Variants in PTPN1 observed in about 807,000 individuals in gnomAD.
The protein encoded by PTPN1 is protein tyrosine phosphatase non-receptor type 1.
In PTPN1, 12 loss-of-function variants were observed where a neutral mutation model predicts 59.9. The ratio of observed to expected loss-of-function variants is 0.20; its 90% CI spans 0.13 to 0.32. PTPN1 has a LOEUF of 0.32. PTPN1 is among the 10% of genes least tolerant of loss of function. The pLI is 1.00. For missense variants in PTPN1, 356 were observed against 549.2 expected, an observed-to-expected ratio of 0.65 and a Z score of 3.52; for synonymous variants, 178 against 203.6, an observed-to-expected ratio of 0.87 and a Z score of 1.07.
At chr20:50,579,014 C>G (rs977199478) in intron 6 of PTPN1, among the ~76,000 whole-genome samples, 154 bp from the exon 7 acceptor site, 6 of 152,180 alleles carry the variant, frequency 3.9e-5, no homozygotes, top group African/African-American at 9.7e-5. Context: ...GGGACCTGTC[C>G]CCCTGACCCA....
chr20:50,570,849 C>T (rs1004471760), intron 4 of PTPN1: 2 of 152,270 alleles, frequency 1.3e-5, no homozygotes, highest in Non-Finnish European at 2.9e-5. Context: ...TCTGTCTAGA[C>T]TCCAGACTTT....
intron 8 of PTPN1, 116 bp downstream of exon 8, chr20:50,580,042 C>T (rs774200817): frequency 3.7e-5 from 36 of 965,924 alleles, no homozygotes; most frequent in Non-Finnish European, 4.4e-5. Flanking sequence ...GCAGCGCTTC[C>T]GCATCCTTGG....
Position 50,584,229 on chromosome 20 carries a change from G to A in PTPN1, c.*1514G>A, listed in dbSNP as rs2082885482. On this transcript the variant is annotated 3_prime_UTR_variant, in exon 10 of 10. Transcript: ENST00000371621. ...GAAGCCAGTACAGAGAAATTCTGTG[G>A]TGGGAACATTCGAGGTGTCACCCTG... is the stretch of plus-strand genomic sequence containing the variant. 1 of 152,552 alleles carries A rather than the reference G, an allele frequency of 6.6e-6. No individual in the cohort carries two copies. The highest frequency in any genetic ancestry group is 1.5e-5 in the Non-Finnish European group (1 of 68,062). 9.4% of individuals were successfully genotyped at this position (152,552 alleles called of 1,614,324 possible).
chr20:50,579,021 C>G (rs1020632563), intron 6 of PTPN1, 147 bp from the exon 7 acceptor site: 5 of 912,566 alleles, frequency 5.5e-6, no homozygotes, highest in South Asian at 3.1e-5. Context: ...GTCCCCCTGA[C>G]CCAGACACCT....
Position 50,582,789 on chromosome 20 carries a change from T to C in PTPN1, c.*74T>C. 1 of 1,589,728 alleles carries C rather than the reference T, an allele frequency of 6.3e-7. No individual in the cohort carries two copies. Among genetic ancestry groups the C allele is most frequent in the Non-Finnish European group, 8.6e-7 (1 of 1,162,710 alleles). On this transcript the variant is annotated 3_prime_UTR_variant, in exon 10 of 10. Transcript: ENST00000371621. This position sits in a 1 kb window ranked among gnomAD's most constrained non-coding sequence, Gnocchi z 4.2. The stretch of plus-strand genomic sequence containing the variant: ...AGAGCCCACGCCCGACTAGCAGGCA[T>C]GCCGCGGTAGGTAAGGGCCGCCGGA...
chr20:50,520,931 A>T (rs2082548506), intron 1 of PTPN1, among the ~76,000 whole-genome samples: 1 of 152,206 alleles, frequency 6.6e-6, no homozygotes, highest in Admixed American at 6.5e-5. Flanking sequence ...TTCTACAAAG[A>T]CATGGTCACA....
intron 1 of PTPN1, among the ~76,000 whole-genome samples, chr20:50,547,488 C>T (rs540315269): frequency 2.6e-5 from 4 of 152,110 alleles, no homozygotes; most frequent in African/African-American, 9.6e-5. Context: ...CTCAGCCTCC[C>T]GAGTAGCTGG....
At chr20:50,545,122 TA>T (rs2082669167) in intron 1 of PTPN1, among the ~76,000 whole-genome samples, 1 of 152,226 alleles carries the variant, frequency 6.6e-6, no homozygotes, top group Admixed American at 6.5e-5. Context: ...AATGTCTTTT[TA>T]TTTTTATTTT....
Position 50,568,939 on chromosome 20 carries a change from A to G in PTPN1, c.354+461A>G, listed in dbSNP as rs970013359. Among the ~76,000 whole-genome samples, 1 of 151,634 alleles carries G rather than the reference A, an allele frequency of 6.6e-6. No homozygotes were observed. The highest frequency in any genetic ancestry group is 1.5e-5 in the Non-Finnish European group (1 of 67,904). On this transcript the variant is annotated intron_variant, in intron 4 of 9. Coordinates refer to ENST00000371621, the MANE Select transcript of PTPN1 (RefSeq NM_002827.4). This position sits in a 1 kb window ranked among gnomAD's most constrained non-coding sequence, Gnocchi z 5.6. ...AGATTTGCCTCCATTCAGTACCTAGACTCTTGCCCTGCCACACCTCTTCGG... is the reference window on the plus strand; with the variant it reads ...AGATTTGCCTCCATTCAGTACCTAGGCTCTTGCCCTGCCACACCTCTTCGG...
Position 50,558,655 on chromosome 20 carries a change from C to G in PTPN1, c.64-2708C>G, listed in dbSNP as rs920056487. On this transcript the variant is annotated intron_variant, in intron 1 of 9. Coordinates refer to ENST00000371621, the MANE Select transcript of PTPN1 (RefSeq NM_002827.4). ...TCATCTTGAGACTTTCTTTGCTTTT[C>G]TTCTCTATTGGATATTCAGTTTCCT... Among the ~76,000 whole-genome samples the G allele has an allele frequency of 2.0e-5, 3 of 152,184 alleles. No homozygotes were observed. The East Asian group carries it at 5.8e-4, about 29-fold the overall frequency.
chr20:50,523,519 T>G (rs150229728), intron 1 of PTPN1, among the ~76,000 whole-genome samples: 290 of 152,346 alleles, frequency 1.9e-3, no homozygotes, highest in African/African-American at 6.7e-3. Context: ...TTTCATTTGC[T>G]TTTCTCGTCT....
chr20:50,524,371 A>C (rs1350618545), intron 1 of PTPN1, among the ~76,000 whole-genome samples: 3 of 152,000 alleles, frequency 2.0e-5, no homozygotes, highest in African/African-American at 4.8e-5. Context: ...GATTTGTACA[A>C]AAAAAATTAT....
intron 1 of PTPN1, among the ~76,000 whole-genome samples, chr20:50,513,446 A>G (rs1158025378): frequency 1.3e-5 from 2 of 152,166 alleles, no homozygotes; most frequent in African/African-American, 2.4e-5. Flanking sequence ...GCTCCCCTCC[A>G]TCTGTAGTTT....
At chr20:50,552,806 A>G (rs2082708631) in intron 1 of PTPN1, among the ~76,000 whole-genome samples, 1 of 151,538 alleles carries the variant, frequency 6.6e-6, no homozygotes, top group Non-Finnish European at 1.5e-5. Flanking sequence ...TCCCACCACA[A>G]TGGCTTTCTT....
intron 1 of PTPN1, among the ~76,000 whole-genome samples, chr20:50,554,649 T>C (rs1470337380): frequency 6.9e-6 from 1 of 145,152 alleles, no homozygotes; most frequent in Admixed American, 6.7e-5. Flanking sequence ...ATTTATAACA[T>C]AGAAATAAAA....
At chr20:50,555,236 C>T (rs2082720946) in intron 1 of PTPN1, among the ~76,000 whole-genome samples, 1 of 152,054 alleles carries the variant, frequency 6.6e-6, no homozygotes. Context: ...AAAGAAAAGA[C>T]ATACAAATTA....
intron 1 of PTPN1, among the ~76,000 whole-genome samples, chr20:50,529,618 A>G (rs1038276579): frequency 6.6e-6 from 1 of 152,066 alleles, no homozygotes; most frequent in Admixed American, 6.6e-5. Flanking sequence ...TTTTCTTAAT[A>G]TATTATCCTT....
intron 4 of PTPN1, among the ~76,000 whole-genome samples, chr20:50,569,229 A>G (rs1443012767): frequency 6.6e-6 from 1 of 152,150 alleles, no homozygotes; most frequent in African/African-American, 2.4e-5. Flanking sequence ...AGGATAATAC[A>G]TGGTGTGGCT....
At chr20:50,549,340 G>A (rs562908060) in intron 1 of PTPN1, among the ~76,000 whole-genome samples, 6 of 152,318 alleles carry the variant, frequency 3.9e-5, no homozygotes, top group South Asian at 4.1e-4. Flanking sequence ...CCAGTTTCAC[G>A]AAGCATTTTT....
Sources: gnomAD v4.1 joint callset for allele counts (sites outside exome capture counted in the v4.1 genomes callset) on GRCh38, gnomAD v4.1.1 for gene constraint, Gnocchi (gnomAD v3.1) non-coding constraint, MANE v1.5 for transcripts, NCBI Gene and HGNC (gene_info 2026-07-23, HGNC 2026-07-21) for gene names.